Variants in CDC42 observed in about 807,000 individuals in gnomAD.
CDC42 encodes cell division control protein 42 homolog.
In CDC42, 1 loss-of-function variant was observed where a neutral mutation model predicts 20.8. The observed-to-expected ratio is 0.05, with a 90% confidence interval of 0.02 to 0.23. The LOEUF is 0.23. CDC42 is among the 10% of genes least tolerant of loss of function. The pLI is 1.00. For missense variants in CDC42, 49 were observed against 227.9 expected, an observed-to-expected ratio of 0.21 and a Z score of 5.05; for synonymous variants, 72 against 84.8, an observed-to-expected ratio of 0.85 and a Z score of 0.83.
In CDC42 at chr1:22,072,879, TCA is replaced by T. The variant is rs570642910; in HGVS notation, c.-50-5547_-50-5546del. Among the ~76,000 whole-genome samples the T allele has an allele frequency of 1.6e-3, 237 of 152,290 alleles. 1 individual carries two copies. The highest frequency in any genetic ancestry group is 6.8e-3 in the Middle Eastern group (2 of 294). Reference sequence around the variant, plus strand: ...ACCAAAAATTTGACTTGCCTTTTATTCACAGTTACTATTAATACTTGACATAG... The same window carrying T: ...ACCAAAAATTTGACTTGCCTTTTATTCAGTTACTATTAATACTTGACATAG... On this transcript the variant is annotated intron_variant, in intron 1 of 5. Transcript: ENST00000656825.
chr1:22,082,260 A>G (rs1645615087), intron 3 of CDC42, among the ~76,000 whole-genome samples: 1 of 151,992 alleles, frequency 6.6e-6, no homozygotes, highest in African/African-American at 2.4e-5. Flanking sequence ...ATTTATTATT[A>G]TTACTCTCTT....
intron 1 of CDC42, among the ~76,000 whole-genome samples, chr1:22,067,569 G>C (rs1256213688): frequency 2.0e-5 from 3 of 152,120 alleles, no homozygotes; most frequent in Admixed American, 1.3e-4. Context: ...GGTCTCGAAC[G>C]CCTGACCTCA....
Position 22,097,381 on chromosome 1 carries a change from A to G in CDC42, c.*5864A>G, listed in dbSNP as rs1404757776. On this transcript the variant is annotated 3_prime_UTR_variant, in exon 6 of 6. Transcript: ENST00000656825. ...CTCAGCCTCCCAAGTAGCTGGGACT[A>G]CAGGCGTGAGCCACCGTGCCTGGCT... Among the ~76,000 whole-genome samples the G allele has an allele frequency of 6.6e-6, 1 of 152,158 alleles. No homozygotes were observed. Among genetic ancestry groups the G allele is most frequent in the African/African-American group, 2.4e-5 (1 of 41,426 alleles).
At chr1:22,078,768 A>G (rs1645577274) in intron 2 of CDC42, 185 bp downstream of exon 2, 1 of 1,482,542 alleles carries the variant, frequency 6.7e-7, no homozygotes. Context: ...GTGGAAAGTC[A>G]GAAGGGGTGA....
At chr1:22,084,533 A>G (rs961137520) in intron 3 of CDC42, among the ~76,000 whole-genome samples, 1 of 151,294 alleles carries the variant, frequency 6.6e-6, no homozygotes, top group East Asian at 1.9e-4. Flanking sequence ...TTTTGGGGTA[A>G]GTTTTAGGAG....
chr1:22,090,911 C>A, intron 5 of CDC42: 1 of 475,710 alleles, frequency 2.1e-6, no homozygotes, highest in Non-Finnish European at 2.7e-6. Flanking sequence ...CTCTGTCTAA[C>A]TGGTGGGATA....
intron 1 of CDC42, among the ~76,000 whole-genome samples, chr1:22,055,872 T>TG (rs1645299962): frequency 1.3e-5 from 2 of 150,082 alleles, no homozygotes; most frequent in Non-Finnish European, 3.0e-5. Flanking sequence ...TTAGAGTTTT[T>TG]TTTTTTTTTT....
chr1:22,079,612 G>A (rs1284262746), intron 2 of CDC42, among the ~76,000 whole-genome samples: 1 of 152,112 alleles, frequency 6.6e-6, no homozygotes, highest in East Asian at 1.9e-4. Flanking sequence ...GAATTTGAAG[G>A]TATTATTAAA....
intron 3 of CDC42, among the ~76,000 whole-genome samples, chr1:22,083,591 T>C (rs973143127): frequency 4.6e-5 from 7 of 151,458 alleles, no homozygotes; most frequent in Non-Finnish European, 8.8e-5. Flanking sequence ...GCTGACAGAG[T>C]GAGACTCCGT....
intron 1 of CDC42, among the ~76,000 whole-genome samples, chr1:22,065,047 C>G (rs1645406852): frequency 6.6e-6 from 1 of 152,176 alleles, no homozygotes. Flanking sequence ...GTTAAGTGCT[C>G]TTTGCAGAGT....
chr1:22,084,259 T>C (rs940156651), intron 3 of CDC42, among the ~76,000 whole-genome samples: 3 of 151,758 alleles, frequency 2.0e-5, no homozygotes, highest in African/African-American at 7.3e-5. Flanking sequence ...CCACAGTGGC[T>C]GTCCCATTTT....
At chr1:22,072,571 A>G (rs1645504537) in intron 1 of CDC42, among the ~76,000 whole-genome samples, 1 of 152,122 alleles carries the variant, frequency 6.6e-6, no homozygotes, top group Non-Finnish European at 1.5e-5. Flanking sequence ...TGGAGTTTTC[A>G]TAGAGCTCAG....
At chr1:22,076,121 A>G (rs1001059798) in intron 1 of CDC42, among the ~76,000 whole-genome samples, 16 of 152,124 alleles carry the variant, frequency 1.1e-4, no homozygotes, top group Non-Finnish European at 2.2e-4. Flanking sequence ...GTTTTTATTA[A>G]TGTCACTTCT....
intron 1 of CDC42, among the ~76,000 whole-genome samples, chr1:22,075,842 C>T (rs1404292812): frequency 6.6e-6 from 1 of 152,188 alleles, no homozygotes; most frequent in Admixed American, 6.5e-5. Context: ...ACAGGGGACT[C>T]ACAACCAACC....
intron 3 of CDC42, among the ~76,000 whole-genome samples, chr1:22,083,756 T>C (rs1345929037): frequency 1.3e-5 from 2 of 152,230 alleles, no homozygotes; most frequent in Non-Finnish European, 2.9e-5. Flanking sequence ...TCAAAAATTA[T>C]TTGACCATAT....
chr1:22,070,443 CTTTTTTTTTTTTTTTTTTTTTTT>C (rs567184632), intron 1 of CDC42, among the ~76,000 whole-genome samples: 56 of 60,368 alleles, frequency 9.3e-4, no homozygotes, highest in Middle Eastern at 0.018. Context: ...GCCTTTGCCT[CTTTTTTTTTTTTTTTTTTTTTTT>C]TTTTTTTTTT....
intron 1 of CDC42, among the ~76,000 whole-genome samples, chr1:22,060,905 A>G (rs906973400): frequency 1.3e-5 from 2 of 152,196 alleles, no homozygotes; most frequent in African/African-American, 2.4e-5. Flanking sequence ...GGATAGTTCT[A>G]TGGATATCAG....
At chr1:22,069,121 G>A (rs1286513165) in intron 1 of CDC42, among the ~76,000 whole-genome samples, 1 of 148,924 alleles carries the variant, frequency 6.7e-6, no homozygotes, top group Non-Finnish European at 1.5e-5. Flanking sequence ...AGATCTACAA[G>A]TCTTGAGTAT....
At chr1:22,075,873 G>A (rs1171193853) in intron 1 of CDC42, among the ~76,000 whole-genome samples, 2 of 152,188 alleles carry the variant, frequency 1.3e-5, no homozygotes, top group African/African-American at 2.4e-5. Context: ...AAATTGCAGA[G>A]CAGTCAGGTC....
Sources: gnomAD v4.1 joint callset for allele counts (sites outside exome capture counted in the v4.1 genomes callset) on GRCh38, gnomAD v4.1.1 for gene constraint, MANE v1.5 for transcripts, NCBI Gene and HGNC (gene_info 2026-07-23, HGNC 2026-07-21) for gene names.